CFAP299: variants seen among roughly 807,000 people sequenced by gnomAD.
The protein encoded by CFAP299 is cilia and flagella associated protein 299.
Under a neutral mutation model 27.0 loss-of-function variants are expected in CFAP299, and 21 were observed. The ratio of observed to expected loss-of-function variants is 0.78; its 90% CI spans 0.55 to 1.12. CFAP299 has a LOEUF of 1.12. CFAP299 is among the 50% of genes most tolerant of loss of function. The pLI, the probability that CFAP299 is intolerant of heterozygous loss-of-function variation, is 0.00. For missense variants in CFAP299, 310 were observed against 276.6 expected (o/e 1.12, Z -0.86); for synonymous variants, 104 against 98.1 (o/e 1.06, Z -0.36).
intron 3 of CFAP299, among the ~76,000 whole-genome samples, chr4:80,725,751 C>T (rs1000560153): frequency 2.0e-5 from 3 of 152,164 alleles, no homozygotes; most frequent in Admixed American, 2.0e-4. Context: ...TGTAGGTTTT[C>T]CCTTTGTGGT....
intron 4 of CFAP299, among the ~76,000 whole-genome samples, chr4:80,880,378 G>A (rs1733632359): frequency 1.3e-5 from 2 of 152,218 alleles, no homozygotes; most frequent in South Asian, 2.1e-4. Flanking sequence ...AAAAAAAAAT[G>A]TCAATATAAC....
chr4:80,553,420 G>A (rs923154975), intron 2 of CFAP299, among the ~76,000 whole-genome samples: 3 of 152,144 alleles, frequency 2.0e-5, no homozygotes, highest in Non-Finnish European at 4.4e-5. Context: ...AGGCATTTAG[G>A]TTGATTCTGT....
At chr4:80,323,833 C>T in the CFAP299 span, among the ~76,000 whole-genome samples, 1 of 152,202 alleles carries the variant, frequency 6.6e-6, no homozygotes. Context: ...AGATTTCCAT[C>T]TGTGTATCAA....
intron 4 of CFAP299, chr4:80,870,958 G>A (rs1733050208): frequency 1.8e-5 from 15 of 829,686 alleles, no homozygotes; most frequent in Non-Finnish European, 2.2e-5. Flanking sequence ...CCAGGCTGGA[G>A]TGCAATGGTG....
intron 3 of CFAP299, among the ~76,000 whole-genome samples, chr4:80,655,136 A>C (rs1005564144): frequency 6.6e-6 from 1 of 152,130 alleles, no homozygotes; most frequent in African/African-American, 2.4e-5. Flanking sequence ...TTTGTGTACT[A>C]TACAGAATAA....
intron 3 of CFAP299, among the ~76,000 whole-genome samples, chr4:80,795,581 G>T (rs570324753): frequency 3.3e-4 from 51 of 152,284 alleles, no homozygotes; most frequent in Non-Finnish European, 6.2e-4. Context: ...AGGCAGAGTG[G>T]CAGGAGTGGA....
intron 4 of CFAP299, among the ~76,000 whole-genome samples, chr4:80,933,972 TA>T (rs1736760097): frequency 6.6e-6 from 1 of 152,142 alleles, no homozygotes. Context: ...ACATTGAATA[TA>T]AATGGTGAGA....
At chr4:80,661,921 A>G (rs1009491129) in intron 3 of CFAP299, among the ~76,000 whole-genome samples, 4 of 152,138 alleles carry the variant, frequency 2.6e-5, no homozygotes, top group Admixed American at 6.6e-5. Context: ...ACAGTTGTGG[A>G]TAAGGGATAA....
intron 2 of CFAP299, among the ~76,000 whole-genome samples, chr4:80,553,044 G>A (rs746065848): frequency 6.6e-6 from 1 of 151,828 alleles, no homozygotes; most frequent in Non-Finnish European, 1.5e-5. Flanking sequence ...ACACATGAAG[G>A]TTTGTTACAT....
At chr4:80,555,037 T>G (rs986982673) in intron 2 of CFAP299, among the ~76,000 whole-genome samples, 12 of 151,838 alleles carry the variant, frequency 7.9e-5, no homozygotes, top group Admixed American at 2.0e-4. Context: ...CAATAATATG[T>G]AGAATGGGAA....
chr4:80,681,377 A>G (rs1719829809), intron 3 of CFAP299, among the ~76,000 whole-genome samples: 1 of 152,114 alleles, frequency 6.6e-6, no homozygotes, highest in Non-Finnish European at 1.5e-5. Flanking sequence ...GTGTGCAGAA[A>G]GGAATGAGTC....
intron 1 of CFAP299, among the ~76,000 whole-genome samples, chr4:80,360,248 G>A (rs1723474091): frequency 6.6e-6 from 1 of 152,196 alleles, no homozygotes; most frequent in South Asian, 2.1e-4. Flanking sequence ...GGTAGCAGGT[G>A]CTGAGGTGCC....
At chr4:80,494,594 A>G (rs1731339118) in intron 2 of CFAP299, among the ~76,000 whole-genome samples, 1 of 152,008 alleles carries the variant, frequency 6.6e-6, no homozygotes, top group African/African-American at 2.4e-5. Context: ...GCCTCCTTTC[A>G]GTTCTTCATA....
At chr4:80,781,821 C>A (rs944738195) in intron 3 of CFAP299, among the ~76,000 whole-genome samples, 9 of 150,904 alleles carry the variant, frequency 6.0e-5, no homozygotes, top group South Asian at 4.2e-4. Flanking sequence ...AATTGCTAAG[C>A]CACAATAGAA....
At chr4:80,889,984 A>G (rs1052946310) in intron 4 of CFAP299, among the ~76,000 whole-genome samples, 1 of 152,164 alleles carries the variant, frequency 6.6e-6, no homozygotes, top group Non-Finnish European at 1.5e-5. Context: ...TCAATGTAAT[A>G]AAACCCATAT....
intron 5 of CFAP299, among the ~76,000 whole-genome samples, chr4:80,953,248 T>C (rs958194221): frequency 6.6e-6 from 1 of 152,166 alleles, no homozygotes; most frequent in African/African-American, 2.4e-5. Flanking sequence ...CCCCTGTATT[T>C]TCCTTGGAGG....
intron 4 of CFAP299, among the ~76,000 whole-genome samples, chr4:80,889,483 T>C (rs1349114011): frequency 6.6e-6 from 1 of 151,796 alleles, no homozygotes; most frequent in African/African-American, 2.4e-5. Context: ...GAAGGTGAAA[T>C]AAAAATTTCC....
chr4:80,716,481 C>A (rs1722492242), intron 3 of CFAP299, among the ~76,000 whole-genome samples: 1 of 151,446 alleles, frequency 6.6e-6, no homozygotes, highest in African/African-American at 2.4e-5. Context: ...CATGATACAC[C>A]CATGGAAAAA....
intron 3 of CFAP299, among the ~76,000 whole-genome samples, chr4:80,601,107 G>A (rs1737324346): frequency 6.6e-6 from 1 of 152,010 alleles, no homozygotes; most frequent in East Asian, 1.9e-4. Flanking sequence ...GAATCAATAG[G>A]AAAAAACTTT....
Sources: allele counts gnomAD v4.1 joint callset (sites outside exome capture counted in the v4.1 genomes callset), GRCh38; gene constraint gnomAD v4.1.1; transcripts MANE v1.5; gene names NCBI Gene and HGNC (gene_info 2026-07-23, HGNC 2026-07-21).